BTBD10: variants seen among roughly 807,000 people sequenced by gnomAD.
BTBD10 encodes BTB/POZ domain-containing protein 10.
In BTBD10, 21 loss-of-function variants were observed where a neutral mutation model predicts 53.2. The observed-to-expected ratio is 0.39, with a 90% CI of 0.28 to 0.57. The LOEUF (loss-of-function observed/expected upper bound fraction) is 0.57, where lower values mean the gene tolerates loss of function less well. Among genes scored for constraint, BTBD10 ranks in the 20% least tolerant of loss-of-function variants. The probability of loss-of-function intolerance (pLI) is 0.53; values close to 1 mark genes in which losing one functional copy is unlikely to be tolerated. For missense variants in BTBD10, 360 were observed against 594.7 expected, an observed-to-expected ratio of 0.61 and a Z score of 4.10; for synonymous variants, 149 against 192.7, an observed-to-expected ratio of 0.77 and a Z score of 1.88.
chr11:13,445,022 AC>A lies in BTBD10; in HGVS notation c.101+1del. ...TATGCGAAATACATATTTTCTACCT[AC>A]CTTGAATGTTTATAAAGTTTACGAG... On this transcript the variant is annotated splice_donor_variant, in intron 2 of 8. Coordinates refer to ENST00000278174, the MANE Select transcript of BTBD10 (RefSeq NM_032320.7). LOFTEE classifies it high-confidence loss of function. 1 of 1,598,440 alleles carries A rather than the reference AC, an allele frequency of 6.3e-7. No homozygotes were observed. The highest frequency in any genetic ancestry group is 8.6e-7 in the Non-Finnish European group (1 of 1,166,404).
chr11:13,442,767 C>T (rs1464270554), intron 2 of BTBD10, among the ~76,000 whole-genome samples: 3 of 152,138 alleles, frequency 2.0e-5, no homozygotes, highest in Admixed American at 6.5e-5. Flanking sequence ...GAACTGAAGG[C>T]AAGTTCTCAT....
In BTBD10 at chr11:13,392,170, A is replaced by G. The variant is rs957339580; in HGVS notation, c.1118-3029T>C. ...TATTCCAAAGAGCAAATATACGTAC[A>G]TAAGAGAAAGTGTTAAAGCAATAGT... On this transcript the variant is annotated intron_variant, in intron 8 of 8. Coordinates refer to ENST00000278174, the MANE Select transcript of BTBD10 (RefSeq NM_032320.7). Among the ~76,000 whole-genome samples the G allele has an allele frequency of 5.9e-5, 9 of 152,254 alleles. 1 individual carries two copies. The highest frequency in any genetic ancestry group is 4.1e-4 in the South Asian group (2 of 4,830).
intron 1 of BTBD10, among the ~76,000 whole-genome samples, chr11:13,460,080 C>T (rs1039854596): frequency 2.6e-5 from 4 of 152,156 alleles, no homozygotes; most frequent in African/African-American, 9.7e-5. Context: ...CTTTCATTTC[C>T]TATTTCAGAG....
rs569569684 is a variant in BTBD10 at position 13,408,400 on chromosome 11, T to C, written c.809-2544A>G. On this transcript the variant is annotated intron_variant, in intron 6 of 8. Coordinates refer to ENST00000278174, the MANE Select transcript of BTBD10 (RefSeq NM_032320.7). ...ATCCTCAACTTGGTACATAAAGCCC[T>C]GCTATGTGAAAAAGAATGTTATAGA... Among the ~76,000 whole-genome samples the C allele has an allele frequency of 3.9e-5, 6 of 152,284 alleles. No homozygotes were observed. In the South Asian group the frequency reaches 1.0e-3, roughly 26 times the overall value.
At chr11:13,429,715 T>A (rs991307389) in intron 2 of BTBD10, among the ~76,000 whole-genome samples, 5 of 151,734 alleles carry the variant, frequency 3.3e-5, no homozygotes, top group African/African-American at 1.2e-4. Context: ...ACTACAGAAC[T>A]TCTAGAAATA....
At chr11:13,453,921 G>A (rs376217289) in intron 1 of BTBD10, among the ~76,000 whole-genome samples, 6 of 151,974 alleles carry the variant, frequency 3.9e-5, no homozygotes, top group South Asian at 4.2e-4. Flanking sequence ...GCGTGTTGGC[G>A]GGCACCTGTA....
intron 1 of BTBD10, among the ~76,000 whole-genome samples, 195 bp from the exon 2 acceptor site, chr11:13,445,376 G>C (rs1014285971): frequency 6.6e-6 from 1 of 152,082 alleles, no homozygotes; most frequent in African/African-American, 2.4e-5. Flanking sequence ...CATTTGATTT[G>C]TCTATTAAAT....
intron 1 of BTBD10, among the ~76,000 whole-genome samples, chr11:13,455,387 A>G (rs922199669): frequency 6.6e-6 from 1 of 152,248 alleles, no homozygotes; most frequent in Non-Finnish European, 1.5e-5. Flanking sequence ...TAATTAACAC[A>G]TTAACACTTC....
chr11:13,398,828 C>T (rs1949631334), intron 8 of BTBD10, among the ~76,000 whole-genome samples: 1 of 152,118 alleles, frequency 6.6e-6, no homozygotes, highest in Non-Finnish European at 1.5e-5. Context: ...ATATGAAATT[C>T]TGGGTTGAAA....
At position 13,422,073 on chromosome 11, in the gene BTBD10, C is replaced by T. The variant is rs553342375; in HGVS notation, c.102-235G>A. 2.0e-5 allele frequency among the ~76,000 whole-genome samples: 3 copies of T among 152,232 alleles called. No individual in the cohort carries two copies. In the East Asian group the frequency reaches 5.8e-4, roughly 29 times the overall value. ...TTTTTTATGAACGAGAAAACTAAAG[C>T]TTAGAAAGGTTAACTAACATATGAG... On this transcript the variant is annotated intron_variant, in intron 2 of 8. Transcript: ENST00000278174.
Position 13,462,045 on chromosome 11 carries a change from T to C in BTBD10, c.-58+1047A>G, listed in dbSNP as rs981070469. On this transcript the variant is annotated intron_variant, in intron 1 of 8. Transcript: ENST00000278174. The stretch of plus-strand genomic sequence containing the variant: ...CAACTGCAGTCCTGGGTTTCAGGAC[T>C]GAACTTCAATCCTGGACAGGCTCTC... 2.0e-5 allele frequency among the ~76,000 whole-genome samples: 3 copies of C among 152,042 alleles called. No individual in the cohort carries two copies. In the East Asian group the frequency reaches 5.8e-4, roughly 29 times the overall value.
chr11:13,417,222 G>A lies in BTBD10; in HGVS notation c.623C>T (p.Pro208Leu). 6.2e-7 allele frequency: 1 copy of A among 1,613,260 alleles called. No homozygotes were observed. The highest frequency in any genetic ancestry group is 2.2e-5 in the East Asian group (1 of 44,822). ...CACCTCATACTCTCCTTTCTCATTG[G>A]GTCGTGTAAAGTTATGTTCTCGGCC... ...GSGREHNFTR[P>L]NEKGEYEVAE... is the part of the protein sequence containing the mutation. Residue 208 changes from proline to leucine, a missense_variant, in exon 5 of 9, where the codon CCC becomes CTC. Around this residue, in one of 6 missense-constraint regions of BTBD10, gnomAD observed 91 missense variants for 171.7 expected, o/e 0.53. Transcript: ENST00000278174.
At chr11:13,458,153 AAAAAAC>A (rs2134064668) in intron 1 of BTBD10, among the ~76,000 whole-genome samples, 1 of 151,864 alleles carries the variant, frequency 6.6e-6, no homozygotes, top group East Asian at 1.9e-4. Flanking sequence ...AAAAAAAAAA[AAAAAAC>A]TGTTCCAGTC....
intron 1 of BTBD10, among the ~76,000 whole-genome samples, chr11:13,461,539 C>A (rs1294459381): frequency 6.6e-6 from 1 of 152,128 alleles, no homozygotes; most frequent in Non-Finnish European, 1.5e-5. Context: ...TTCCCTAAGT[C>A]ACCTATTATA....
intron 8 of BTBD10, among the ~76,000 whole-genome samples, chr11:13,396,779 T>TC: frequency 6.6e-6 from 1 of 152,332 alleles, no homozygotes; most frequent in Non-Finnish European, 1.5e-5. Flanking sequence ...AAAGGCCTTT[T>TC]CTGCATCTAT....
chr11:13,447,934 G>A (rs1327686977), intron 1 of BTBD10, among the ~76,000 whole-genome samples: 2 of 152,048 alleles, frequency 1.3e-5, no homozygotes, highest in East Asian at 3.9e-4. Flanking sequence ...ACACAAAAAT[G>A]CTAGTGTTTT....
chr11:13,446,645 A>G (rs1950753878), intron 1 of BTBD10, among the ~76,000 whole-genome samples: 1 of 152,136 alleles, frequency 6.6e-6, no homozygotes, highest in South Asian at 2.1e-4. Flanking sequence ...AATGCCACAT[A>G]GTTTATTTGC....
chr11:13,446,432 A>G (rs890434949), intron 1 of BTBD10, among the ~76,000 whole-genome samples: 1 of 152,186 alleles, frequency 6.6e-6, no homozygotes. Flanking sequence ...ATTTTAGAGA[A>G]ACAATTTTAC....
intron 7 of BTBD10, among the ~76,000 whole-genome samples, chr11:13,404,116 G>C (rs1949767095): frequency 6.6e-6 from 1 of 152,100 alleles, no homozygotes; most frequent in Non-Finnish European, 1.5e-5. Flanking sequence ...TCTACTCATG[G>C]GGTAAATTTG....
Sources: gnomAD v4.1 joint callset for allele counts (sites outside exome capture counted in the v4.1 genomes callset) on GRCh38, gnomAD v4.1.1 for gene constraint, gnomAD v4.1.1 regional missense constraint, MANE v1.5 for transcripts, NCBI Gene and HGNC (gene_info 2026-07-23, HGNC 2026-07-21) for gene names.